Variants in DCC observed in about 807,000 individuals in gnomAD.
The protein encoded by DCC is netrin receptor DCC.
DCC carries 58 observed loss-of-function variants against 172.5 expected under a neutral mutation model. The observed-to-expected ratio is 0.34, with a 90% CI of 0.27 to 0.42. The LOEUF is 0.42. Among genes scored for constraint, DCC ranks in the 10% least tolerant of loss-of-function variants. The pLI is 1.00. For synonymous variants in DCC, 709 were observed against 644.5 expected (o/e 1.10, Z -1.52); for missense variants, 1,740 against 1,791.0 (o/e 0.97, Z 0.51).
At chr18:52,994,923 G>A (rs1012198488) in intron 5 of DCC, among the ~76,000 whole-genome samples, 2 of 152,072 alleles carry the variant, frequency 1.3e-5, no homozygotes, top group African/African-American at 4.8e-5. Context: ...TAATAGTCAT[G>A]CCAATAACAA....
chr18:52,406,524 T>A (rs1190351562), intron 1 of DCC, among the ~76,000 whole-genome samples: 1 of 152,090 alleles, frequency 6.6e-6, no homozygotes. Flanking sequence ...TATGACAGCA[T>A]TATTGCTTAA....
At chr18:52,439,174 T>TTA (rs74178668) in intron 1 of DCC, among the ~76,000 whole-genome samples, 1,604 of 144,828 alleles carry the variant, frequency 0.011, 19 homozygotes, top group South Asian at 0.015. Context: ...AAGATATGTT[T>TTA]TGTGTGTGTG....
chr18:53,230,468 G>T (rs768164279), intron 12 of DCC, among the ~76,000 whole-genome samples: 1 of 151,856 alleles, frequency 6.6e-6, no homozygotes. Flanking sequence ...ATAATAATGT[G>T]TATAGTCTTG....
At chr18:52,544,898 C>T (rs1166569891) in intron 1 of DCC, among the ~76,000 whole-genome samples, 2 of 152,158 alleles carry the variant, frequency 1.3e-5, no homozygotes, top group Non-Finnish European at 2.9e-5. Context: ...ACCCATTAAA[C>T]CTAATGAAGG....
chr18:52,680,980 T>C (rs17682039), intron 1 of DCC, among the ~76,000 whole-genome samples: 70,085 of 151,946 alleles, frequency 0.46, 16,320 homozygotes, highest in Non-Finnish European at 0.51. Flanking sequence ...CTGAAAACTA[T>C]AGTGCCTGAA....
intron 5 of DCC, among the ~76,000 whole-genome samples, chr18:52,988,586 T>C (rs1007685677): frequency 1.3e-5 from 2 of 152,130 alleles, no homozygotes; most frequent in Admixed American, 1.3e-4. Context: ...CTCCATTGTT[T>C]TAAAAAAACA....
chr18:52,946,061 A>T (rs1474905703), intron 5 of DCC, among the ~76,000 whole-genome samples: 1 of 152,140 alleles, frequency 6.6e-6, no homozygotes, highest in Non-Finnish European at 1.5e-5. Context: ...CTCTGTGAAC[A>T]TCTAGGTTTA....
intron 5 of DCC, among the ~76,000 whole-genome samples, chr18:52,999,672 G>A (rs929104593): frequency 9.9e-5 from 15 of 152,162 alleles, no homozygotes; most frequent in Non-Finnish European, 2.2e-4. Context: ...AAAACCGTAA[G>A]AGAAATGATA....
intron 2 of DCC, among the ~76,000 whole-genome samples, chr18:52,782,267 A>G (rs2037559245): frequency 6.6e-6 from 1 of 152,144 alleles, no homozygotes; most frequent in African/African-American, 2.4e-5. Flanking sequence ...AAGTAATGAT[A>G]TGCCCTCTAG....
intron 12 of DCC, among the ~76,000 whole-genome samples, chr18:53,287,760 TA>T (rs1405356983): frequency 3.9e-5 from 6 of 152,184 alleles, no homozygotes; most frequent in Non-Finnish European, 7.4e-5. Flanking sequence ...AAAACTTTTC[TA>T]ACAAAGAACT....
At chr18:53,023,832 A>C (rs1308377804) in intron 5 of DCC, among the ~76,000 whole-genome samples, 2 of 152,148 alleles carry the variant, frequency 1.3e-5, no homozygotes, top group Admixed American at 6.6e-5. Flanking sequence ...CTGCTGTATG[A>C]TCTGCTTTCC....
intron 7 of DCC, among the ~76,000 whole-genome samples, chr18:53,143,705 A>T (rs541344517): frequency 6.6e-6 from 1 of 152,386 alleles, no homozygotes; most frequent in African/African-American, 2.4e-5. Flanking sequence ...AGAATCGCAA[A>T]CTACATGTTA....
intron 15 of DCC, among the ~76,000 whole-genome samples, chr18:53,365,494 A>G (rs2057996160): frequency 6.6e-6 from 1 of 151,744 alleles, no homozygotes; most frequent in South Asian, 2.1e-4. Context: ...TTTCTGAGTG[A>G]GCATAAATAC....
At chr18:52,595,915 C>G (rs927738923) in intron 1 of DCC, among the ~76,000 whole-genome samples, 4 of 152,184 alleles carry the variant, frequency 2.6e-5, no homozygotes, top group Non-Finnish European at 5.9e-5. Context: ...CATGAGAAAT[C>G]TCAGCCAAGA....
At chr18:52,568,435 G>T (rs537306611) in intron 1 of DCC, among the ~76,000 whole-genome samples, 5 of 151,762 alleles carry the variant, frequency 3.3e-5, no homozygotes, top group Admixed American at 2.0e-4. Context: ...AAAAACAAAA[G>T]ATAAAAATGA....
chr18:53,145,498 G>A (rs2043898854), intron 7 of DCC, among the ~76,000 whole-genome samples: 1 of 152,100 alleles, frequency 6.6e-6, no homozygotes, highest in Admixed American at 6.5e-5. Flanking sequence ...TGAGGACGCA[G>A]CAACGGGTGT....
chr18:53,271,461 A>T (rs890224799), intron 12 of DCC, among the ~76,000 whole-genome samples: 10 of 152,134 alleles, frequency 6.6e-5, no homozygotes, highest in African/African-American at 2.4e-4. Context: ...GTCTCAAGTT[A>T]TGAATAGGAG....
At position 52,550,089 on chromosome 18, in the gene DCC, C is replaced by T. The variant is rs1310394262; in HGVS notation, c.92-201965C>T. Among the ~76,000 whole-genome samples the T allele has an allele frequency of 9.2e-5, 14 of 151,956 alleles. No individual in the cohort carries two copies. In the East Asian group the frequency reaches 2.7e-3, roughly 29 times the overall value. Reference sequence around the variant, plus strand: ...AATAGGTCATGTTGATAGTATGTACCCTTTGTAGGATGTGATGAGAATGAC... The same window carrying T: ...AATAGGTCATGTTGATAGTATGTACTCTTTGTAGGATGTGATGAGAATGAC... On this transcript the variant is annotated intron_variant, in intron 1 of 28. Coordinates refer to ENST00000442544, the MANE Select transcript of DCC (RefSeq NM_005215.4).
chr18:52,939,525 A>G (rs1029850720), intron 5 of DCC, among the ~76,000 whole-genome samples: 8 of 152,150 alleles, frequency 5.3e-5, no homozygotes, highest in Non-Finnish European at 1.2e-4. Context: ...AAATAAATAA[A>G]CTCTGAATGA....
Sources: allele counts gnomAD v4.1 joint callset (sites outside exome capture counted in the v4.1 genomes callset), GRCh38; gene constraint gnomAD v4.1.1; transcripts MANE v1.5; gene names NCBI Gene and HGNC (gene_info 2026-07-23, HGNC 2026-07-21).